STK3: variants seen among roughly 807,000 people sequenced by gnomAD.
STK3 encodes serine/threonine kinase 3, also known as serine/threonine-protein kinase 3.
A neutral mutation model predicts 58.0 loss-of-function variants in STK3; 41 were observed. That is an observed-to-expected ratio of 0.71 (90% confidence interval 0.55 to 0.92). The LOEUF is 0.92. Among genes scored for constraint, STK3 ranks in the 40% least tolerant of loss-of-function variants. The pLI, the probability that STK3 is intolerant of heterozygous loss-of-function variation, is 0.00. For missense variants in STK3, 479 were observed against 602.7 expected (o/e 0.79, Z 2.15); for synonymous variants, 170 against 191.0 (o/e 0.89, Z 0.91).
chr8:98,783,400 C>T (rs192585142), intron 1 of STK3, among the ~76,000 whole-genome samples: 1 of 152,268 alleles, frequency 6.6e-6, no homozygotes, highest in Admixed American at 6.5e-5. Flanking sequence ...CCAATATATA[C>T]ACCTACTATG....
intron 10 of STK3, among the ~76,000 whole-genome samples, chr8:98,458,712 T>C (rs949784750): frequency 3.9e-5 from 6 of 152,168 alleles, no homozygotes; most frequent in East Asian, 1.9e-4. Flanking sequence ...GTGAGTGAGT[T>C]CTCACAATAT....
At chr8:98,611,327 T>C (rs1478073690) in intron 6 of STK3, among the ~76,000 whole-genome samples, 3 of 151,570 alleles carry the variant, frequency 2.0e-5, no homozygotes, top group African/African-American at 4.8e-5. Context: ...ACTGAAAATA[T>C]GAAAAGTTTA....
intron 6 of STK3, among the ~76,000 whole-genome samples, chr8:98,652,410 G>C (rs141298801): frequency 0.032 from 4,820 of 152,280 alleles, 99 homozygotes; most frequent in South Asian, 0.061. Flanking sequence ...ATGCTAGGAA[G>C]AAACTGCATC....
At chr8:98,792,830 T>C (rs1832891181) in intron 1 of STK3, among the ~76,000 whole-genome samples, 1 of 152,062 alleles carries the variant, frequency 6.6e-6, no homozygotes, top group Non-Finnish European at 1.5e-5. Flanking sequence ...GCAGCACAGT[T>C]CGCAATTGCA....
chr8:98,612,409 A>T (rs1817273797), intron 6 of STK3, among the ~76,000 whole-genome samples: 1 of 149,986 alleles, frequency 6.7e-6, no homozygotes, highest in African/African-American at 2.4e-5. Flanking sequence ...ACACACACAC[A>T]CATATGAATT....
chr8:98,490,181 C>T (rs757316783), intron 10 of STK3, among the ~76,000 whole-genome samples: 5 of 152,128 alleles, frequency 3.3e-5, no homozygotes, highest in Admixed American at 1.3e-4. Context: ...GATCTTTAAA[C>T]ACATACTTGT....
intron 1 of STK3, among the ~76,000 whole-genome samples, chr8:98,919,145 C>A (rs912368453): frequency 2.6e-5 from 4 of 152,148 alleles, no homozygotes; most frequent in African/African-American, 7.2e-5. Flanking sequence ...ATCCAACAGG[C>A]CCCAGGGGAT....
chr8:98,903,546 TCTTCTTCTTCC>T (rs763558946), intron 1 of STK3, among the ~76,000 whole-genome samples: 809 of 43,690 alleles, frequency 0.019, 24 homozygotes, highest in South Asian at 0.032. Context: ...TTCTTCTTCT[TCTTCTTCTTCC>T]TTTTTTTTTT....
chr8:98,893,490 A>AAGAAAG (rs1167631328), intron 1 of STK3, among the ~76,000 whole-genome samples: 4 of 82,678 alleles, frequency 4.8e-5, no homozygotes, highest in African/African-American at 7.3e-5. Context: ...AAGAAAGAGA[A>AAGAAAG]AGAAAGAAAG....
chr8:98,640,502 A>G (rs1819944493), intron 6 of STK3, among the ~76,000 whole-genome samples: 1 of 152,206 alleles, frequency 6.6e-6, no homozygotes, highest in African/African-American at 2.4e-5. Flanking sequence ...GGTTCCTAAT[A>G]TTCAATTAAC....
intron 3 of STK3, among the ~76,000 whole-genome samples, chr8:98,402,517 A>G (rs954274415): frequency 6.6e-6 from 1 of 152,192 alleles, no homozygotes; most frequent in African/African-American, 2.4e-5. Flanking sequence ...CTGTGTCCCC[A>G]GTACAGCAGA....
rs200961079 is a variant in STK3 at position 98,490,772 on chromosome 8, T to C, written c.1318-34772A>G. 3.3e-5 allele frequency among the ~76,000 whole-genome samples: 5 copies of C among 152,288 alleles called. No homozygotes were observed. The East Asian group carries it at 9.6e-4, about 29-fold the overall frequency. ...CATTTACAAGTCAGAAATTCCCTGTTCGTGGGGGTGCGAATCTAGACGTGT... is the reference window on the plus strand; with the variant it reads ...CATTTACAAGTCAGAAATTCCCTGTCCGTGGGGGTGCGAATCTAGACGTGT... On this transcript the variant is annotated intron_variant, in intron 10 of 10. Transcript: ENST00000419617.
In STK3 at chr8:98,409,977, A is replaced by G. The variant is rs555554034; in HGVS notation, n.484-8464T>C. ...GTCCAACAATCAAGTTTTGTTTAGG[A>G]TATAAGGCCATTGAACTGGTCTAAT... On this transcript the variant is annotated intron_variant and non_coding_transcript_variant, in intron 3 of 3. Transcript: ENST00000517832. Among the ~76,000 whole-genome samples the G allele has an allele frequency of 2.2e-4, 33 of 152,360 alleles. No individual in the cohort carries two copies. The Middle Eastern group carries it at 0.014, about 63-fold the overall frequency.
upstream of STK3, among the ~76,000 whole-genome samples, chr8:98,391,117 A>C (rs114598441): frequency 1.3e-5 from 2 of 152,132 alleles, no homozygotes; most frequent in Non-Finnish European, 2.9e-5. Context: ...TGTATCCTGG[A>C]CATTTTGATT....
At chr8:98,407,713 C>CGTGTGT (rs1818009220) in intron 3 of STK3, among the ~76,000 whole-genome samples, 2 of 110,576 alleles carry the variant, frequency 1.8e-5, no homozygotes, top group South Asian at 7.0e-4. Flanking sequence ...CAGATGAGTG[C>CGTGTGT]ATGTGTGTGT....
chr8:98,635,032 T>C (rs1365089418), intron 6 of STK3, among the ~76,000 whole-genome samples: 6 of 151,776 alleles, frequency 4.0e-5, no homozygotes, highest in South Asian at 2.1e-4. Flanking sequence ...TAAAGTTCCA[T>C]AGCAGAGAGG....
At chr8:98,923,848 TGTGTGTGCGC>T (rs1430241864) in intron 1 of STK3, among the ~76,000 whole-genome samples, 2 of 120,132 alleles carry the variant, frequency 1.7e-5, no homozygotes, top group Non-Finnish European at 3.4e-5. Context: ...TGTGTGTGTG[TGTGTGTGCGC>T]GCGCGCGCGC....
upstream of STK3, among the ~76,000 whole-genome samples, chr8:98,827,582 ATT>A (rs1835362024): frequency 6.6e-6 from 1 of 152,210 alleles, no homozygotes; most frequent in Non-Finnish European, 1.5e-5. Context: ...AAACCATTAT[ATT>A]CTTTCCTAAA....
intron 4 of STK3, among the ~76,000 whole-genome samples, chr8:98,710,814 G>C (rs1454852637): frequency 1.3e-5 from 2 of 152,206 alleles, no homozygotes; most frequent in Non-Finnish European, 2.9e-5. Flanking sequence ...CACACAGCTG[G>C]AGATCTGAGA....
Sources: gnomAD v4.1 joint callset for allele counts (sites outside exome capture counted in the v4.1 genomes callset) on GRCh38, gnomAD v4.1.1 for gene constraint, MANE v1.5 for transcripts, NCBI Gene and HGNC (gene_info 2026-07-23, HGNC 2026-07-21) for gene names.